LSAMP: variants seen among roughly 807,000 people sequenced by gnomAD.
LSAMP encodes the protein limbic system-associated membrane protein.
Under a neutral mutation model 38.6 loss-of-function variants are expected in LSAMP, and 7 were observed. That is an observed-to-expected ratio of 0.18 (90% CI 0.10 to 0.34). The LOEUF is 0.34. Ranked by LOEUF, LSAMP falls within the 10% of genes least tolerant of loss-of-function variation. The pLI, the probability that LSAMP is intolerant of heterozygous loss-of-function variation, is 1.00. For missense variants in LSAMP, 313 were observed against 420.0 expected (o/e 0.75, Z 2.23); for synonymous variants, 154 against 166.8 (o/e 0.92, Z 0.59).
intron 1 of LSAMP, among the ~76,000 whole-genome samples, chr3:116,127,085 C>T (rs942856613): frequency 2.6e-5 from 4 of 152,198 alleles, no homozygotes; most frequent in East Asian, 1.9e-4. Context: ...TGATCTACTG[C>T]GGTTTATTTA....
rs2107681620 is a variant in LSAMP, at chr3:116,280,875, T to C, written c.155+164002A>G. ...AAGCCCAGAATAGTGTGATAGTTTTTTTCTGACATAACACCCATCTAATGA... is the reference window on the plus strand; with the variant it reads ...AAGCCCAGAATAGTGTGATAGTTTTCTTCTGACATAACACCCATCTAATGA... On this transcript the variant is annotated intron_variant, in intron 1 of 6. Coordinates refer to ENST00000490035, the MANE Select transcript of LSAMP (RefSeq NM_002338.5). Among the ~76,000 whole-genome samples, 6 of 152,318 alleles carry C rather than the reference T, an allele frequency of 3.9e-5. 2 individuals are homozygous for C. In the South Asian group the frequency reaches 1.2e-3, roughly 32 times the overall value.
At chr3:116,083,984 T>C (rs1707930388) in intron 2 of LSAMP, among the ~76,000 whole-genome samples, 1 of 152,150 alleles carries the variant, frequency 6.6e-6, no homozygotes, top group African/African-American at 2.4e-5. Context: ...TTTATCCCCC[T>C]TGTAAGTACA....
chr3:115,822,362 C>CTTTTTTTTTTTTTTTTTTCTT (rs57335228), intron 6 of LSAMP, among the ~76,000 whole-genome samples: 1 of 120,864 alleles, frequency 8.3e-6, no homozygotes, highest in Non-Finnish European at 1.8e-5. Context: ...TTCTTTCCTT[C>CTTTTTTTTTTTTTTTTTTCTT]TTTTTTTTTT....
chr3:116,397,392 C>T (rs529026311), intron 1 of LSAMP, among the ~76,000 whole-genome samples: 1 of 145,026 alleles, frequency 6.9e-6, no homozygotes, highest in South Asian at 2.4e-4. Flanking sequence ...ACCCGCCCCC[C>T]CCCCACACAC....
chr3:116,318,285 A>G (rs1013675386), intron 1 of LSAMP, among the ~76,000 whole-genome samples: 1 of 152,214 alleles, frequency 6.6e-6, no homozygotes, highest in East Asian at 1.9e-4. Flanking sequence ...TGAGCCAGAC[A>G]TTAAGAAATT....
At chr3:115,943,873 C>T (rs1220815829) in intron 3 of LSAMP, among the ~76,000 whole-genome samples, 2 of 152,136 alleles carry the variant, frequency 1.3e-5, no homozygotes, top group African/African-American at 2.4e-5. Context: ...GGGAAATCCC[C>T]AACTGCTTTC....
chr3:115,949,681 T>C (rs918623650), intron 3 of LSAMP, among the ~76,000 whole-genome samples: 2 of 152,018 alleles, frequency 1.3e-5, no homozygotes, highest in African/African-American at 4.8e-5. Flanking sequence ...ACTAATTTCA[T>C]TGAAACTATT....
chr3:115,930,090 G>A (rs1304152343), intron 3 of LSAMP, among the ~76,000 whole-genome samples: 1 of 149,054 alleles, frequency 6.7e-6, no homozygotes, highest in African/African-American at 2.5e-5. Flanking sequence ...CTGGGGAAAG[G>A]ATTAGCTATA....
chr3:116,078,304 T>G (rs963266234), intron 2 of LSAMP, among the ~76,000 whole-genome samples: 4 of 149,692 alleles, frequency 2.7e-5, no homozygotes, highest in African/African-American at 7.5e-5. Context: ...TTTATTTATT[T>G]TACTTTATTT....
intron 3 of LSAMP, among the ~76,000 whole-genome samples, chr3:115,942,842 C>T (rs949801213): frequency 1.3e-4 from 20 of 152,182 alleles, no homozygotes; most frequent in Non-Finnish European, 2.4e-4. Context: ...TTTATGTCGA[C>T]GGTGAAAACA....
chr3:116,219,333 G>A (rs1251973028), intron 1 of LSAMP, among the ~76,000 whole-genome samples: 1 of 152,108 alleles, frequency 6.6e-6, no homozygotes, highest in Admixed American at 6.5e-5. Context: ...ATGCCAAACT[G>A]TCTTTATCTG....
intron 3 of LSAMP, among the ~76,000 whole-genome samples, chr3:115,942,045 C>T (rs1275044093): frequency 6.6e-6 from 1 of 151,554 alleles, no homozygotes; most frequent in Non-Finnish European, 1.5e-5. Flanking sequence ...ATTAATTGTA[C>T]AATTACTTGA....
intron 1 of LSAMP, among the ~76,000 whole-genome samples, chr3:116,283,965 C>G (rs756999347): frequency 1.1e-4 from 17 of 152,048 alleles, no homozygotes; most frequent in Non-Finnish European, 5.9e-5. Context: ...GAGGTTGCGC[C>G]ACTGCACTCA....
At chr3:116,418,366 C>G (rs2049078154) in intron 1 of LSAMP, among the ~76,000 whole-genome samples, 1 of 152,168 alleles carries the variant, frequency 6.6e-6, no homozygotes, top group South Asian at 2.1e-4. Flanking sequence ...CAAAAATGCT[C>G]CCCTTGCTTA....
intron 1 of LSAMP, among the ~76,000 whole-genome samples, chr3:116,439,424 C>A (rs985254454): frequency 6.6e-6 from 1 of 151,026 alleles, no homozygotes; most frequent in Non-Finnish European, 1.5e-5. Flanking sequence ...GTGAGAAATG[C>A]AAATTCTCAG....
At chr3:116,087,479 A>T (rs1339955839) in intron 1 of LSAMP, among the ~76,000 whole-genome samples, 1 of 152,188 alleles carries the variant, frequency 6.6e-6, no homozygotes, top group Non-Finnish European at 1.5e-5. Context: ...TCTAGCAGAA[A>T]ACAAAAACAA....
At chr3:116,269,323 A>G (rs1423950596) in intron 1 of LSAMP, among the ~76,000 whole-genome samples, 1 of 152,098 alleles carries the variant, frequency 6.6e-6, no homozygotes, top group Non-Finnish European at 1.5e-5. Flanking sequence ...ATTAAATGTT[A>G]AATAAAATAT....
At chr3:116,407,556 A>C (rs199561806) in intron 1 of LSAMP, among the ~76,000 whole-genome samples, 2 of 152,188 alleles carry the variant, frequency 1.3e-5, no homozygotes, top group Middle Eastern at 3.4e-3. Flanking sequence ...AAAAGGTCTA[A>C]GTATAGCCTG....
chr3:115,834,623 C>G, intron 6 of LSAMP: 4 of 1,185,348 alleles, frequency 3.4e-6, no homozygotes, highest in Non-Finnish European at 4.3e-6. Context: ...TAGTAATCAT[C>G]ATGGAGATTT....
Sources: gnomAD v4.1 joint callset for allele counts (sites outside exome capture counted in the v4.1 genomes callset) on GRCh38, gnomAD v4.1.1 for gene constraint, MANE v1.5 for transcripts, NCBI Gene and HGNC (gene_info 2026-07-23, HGNC 2026-07-21) for gene names.